The following ATP6V0E1 variants were observed in gnomAD, a reference collection of about 807,000 sequenced individuals.
ATP6V0E1 encodes the protein ATPase H+ transporting V0 subunit e1, also known as V-type proton ATPase subunit e 1.
A neutral mutation model predicts 11.6 loss-of-function variants in ATP6V0E1; 4 were observed. The observed-to-expected ratio is 0.35, with a 90% CI of 0.17 to 0.79. The LOEUF (loss-of-function observed/expected upper bound fraction) is 0.79, where lower values mean the gene tolerates loss of function less well. Among genes scored for constraint, ATP6V0E1 ranks in the 30% least tolerant of loss-of-function variants. The probability of loss-of-function intolerance (pLI) is 0.54; values close to 1 mark genes in which losing one functional copy is unlikely to be tolerated. For synonymous variants in ATP6V0E1, 36 were observed against 34.8 expected (o/e 1.04, Z -0.13); for missense variants, 105 against 100.0 (o/e 1.05, Z -0.21).
chr5:173,004,443 C>T (rs1297378146), intron 2 of ATP6V0E1, among the ~76,000 whole-genome samples: 1 of 152,008 alleles, frequency 6.6e-6, no homozygotes, highest in African/African-American at 2.4e-5. Context: ...TTCAGTTAAG[C>T]TAGAGGGAAA....
At chr5:172,997,676 G>A (rs2113586283) in intron 2 of ATP6V0E1, among the ~76,000 whole-genome samples, 1 of 152,218 alleles carries the variant, frequency 6.6e-6, no homozygotes, top group East Asian at 1.9e-4. Flanking sequence ...AGCCGAGCGT[G>A]GTGGTGGGTG....
intron 3 of ATP6V0E1, among the ~76,000 whole-genome samples, chr5:173,031,254 A>AT (rs755643482): frequency 2.3e-3 from 333 of 142,490 alleles, no homozygotes; most frequent in Admixed American, 4.7e-3. Context: ...TAATTTTTGT[A>AT]TTTTTTTTTT....
intron 2 of ATP6V0E1, among the ~76,000 whole-genome samples, chr5:173,000,159 T>C (rs923067275): frequency 1.3e-5 from 2 of 152,184 alleles, no homozygotes; most frequent in African/African-American, 2.4e-5. Flanking sequence ...CAGTTTTTTC[T>C]GGTGCCAGTT....
chr5:172,992,965 T>A (rs145923480), intron 1 of ATP6V0E1, among the ~76,000 whole-genome samples: 1 of 151,588 alleles, frequency 6.6e-6, no homozygotes, highest in Admixed American at 6.6e-5. Flanking sequence ...GCCCAGCTAA[T>A]TTTTTTGTAT....
chr5:173,020,623 C>T, intron 3 of ATP6V0E1: 3 of 537,344 alleles, frequency 5.6e-6, no homozygotes, highest in South Asian at 3.0e-5. Flanking sequence ...AGCTTGCATG[C>T]ACTCTTTCAG....
chr5:172,992,955 G>A (rs1459734538), intron 1 of ATP6V0E1, among the ~76,000 whole-genome samples: 2 of 151,884 alleles, frequency 1.3e-5, no homozygotes, highest in Non-Finnish European at 1.5e-5. Context: ...GCACCACCAC[G>A]CCCAGCTAAT....
rs552838303 is a variant in ATP6V0E1 at position 173,030,905 on chromosome 5, T to C, written c.*37-3494T>C. 4.0e-5 allele frequency among the ~76,000 whole-genome samples: 6 copies of C among 151,398 alleles called. 1 individual carries two copies. In the South Asian group the frequency reaches 1.3e-3, roughly 32 times the overall value. On this transcript the variant is annotated intron_variant, in intron 3 of 3. Coordinates refer to ENST00000519374, the MANE Select transcript of ATP6V0E1 (RefSeq NM_003945.4). ...CTGGGACTACAGGCATGCACCACCA[T>C]GCTTGGCTAATTTTTGTATTTATTT...
chr5:173,028,507 A>G (rs979622762), intron 3 of ATP6V0E1, among the ~76,000 whole-genome samples: 7 of 152,244 alleles, frequency 4.6e-5, no homozygotes, highest in African/African-American at 7.2e-5. Flanking sequence ...TAAGCCAGAC[A>G]TGGTATTCAA....
chr5:173,001,597 AC>A (rs1390556181), intron 2 of ATP6V0E1, among the ~76,000 whole-genome samples: 1 of 152,058 alleles, frequency 6.6e-6, no homozygotes, highest in African/African-American at 2.4e-5. Context: ...TTGGTTTCCA[AC>A]CAAGTAACCA....
At chr5:172,998,097 G>A (rs1692234658) in intron 2 of ATP6V0E1, among the ~76,000 whole-genome samples, 1 of 148,672 alleles carries the variant, frequency 6.7e-6, no homozygotes, top group Admixed American at 6.7e-5. Flanking sequence ...GGGTCCAAGT[G>A]ATACCCTGTC....
At chr5:172,996,455 G>T (rs950308186) in intron 2 of ATP6V0E1, among the ~76,000 whole-genome samples, 16 of 151,968 alleles carry the variant, frequency 1.1e-4, no homozygotes, top group Non-Finnish European at 1.9e-4. Context: ...CCAGCTGCTC[G>T]GGAGGCTGAG....
At chr5:173,032,962 G>A (rs1357792766) in intron 3 of ATP6V0E1, among the ~76,000 whole-genome samples, 1 of 152,198 alleles carries the variant, frequency 6.6e-6, no homozygotes, top group Non-Finnish European at 1.5e-5. Flanking sequence ...TGGGCATGAT[G>A]GCGTGGGCCT....
intron 1 of ATP6V0E1, among the ~76,000 whole-genome samples, chr5:172,991,742 A>G (rs1755980107): frequency 6.6e-6 from 1 of 152,158 alleles, no homozygotes; most frequent in East Asian, 1.9e-4. Flanking sequence ...TATAAGTGTA[A>G]TGTATAAATT....
At chr5:173,013,109 G>T (rs187780781) in intron 2 of ATP6V0E1, among the ~76,000 whole-genome samples, 352 of 152,216 alleles carry the variant, frequency 2.3e-3, no homozygotes, top group African/African-American at 8.1e-3. Context: ...AGGAGCCTGG[G>T]AGATCAAGGC....
intron 3 of ATP6V0E1, among the ~76,000 whole-genome samples, chr5:173,030,923 A>G (rs1429020801): frequency 5.2e-5 from 4 of 77,262 alleles, no homozygotes; most frequent in African/African-American, 1.9e-4. Context: ...TAATTTTTGT[A>G]TTTATTTATT....
chr5:172,986,443 A>G (rs773450925), intron 1 of ATP6V0E1, among the ~76,000 whole-genome samples: 13 of 152,138 alleles, frequency 8.5e-5, no homozygotes, highest in Non-Finnish European at 1.5e-4. Flanking sequence ...CAACACAGCG[A>G]GACCTTATCT....
intron 2 of ATP6V0E1, among the ~76,000 whole-genome samples, chr5:173,015,444 A>G (rs1756385734): frequency 6.6e-6 from 1 of 152,180 alleles, no homozygotes. Context: ...GGATCTAATC[A>G]CGAACCAAGG....
intron 2 of ATP6V0E1, among the ~76,000 whole-genome samples, chr5:173,010,009 G>A (rs1406572686): frequency 6.7e-6 from 1 of 150,098 alleles, no homozygotes; most frequent in South Asian, 2.1e-4. Context: ...TGATCTGCCT[G>A]CCTTGGCCTC....
Position 172,983,780 on chromosome 5 carries a change from G to T in ATP6V0E1, c.-81G>T. The T allele has an allele frequency of 7.2e-7, 1 of 1,382,174 alleles. No individual in the cohort carries two copies. The highest frequency in any genetic ancestry group is 1.0e-6 in the Non-Finnish European group (1 of 978,222). The allele number at this position is 1,382,174 out of a possible 1,614,324, so 85.6% of individuals were successfully genotyped here. On this transcript the variant is annotated 5_prime_UTR_variant, in exon 1 of 4. Transcript: ENST00000519374. ...GCGGGAGGCGGGGCTTGCACACGCTGGTCACGCGGTCAGCTATTGACACTT... is the reference window on the plus strand; with the variant it reads ...GCGGGAGGCGGGGCTTGCACACGCTTGTCACGCGGTCAGCTATTGACACTT...
Sources: allele counts gnomAD v4.1 joint callset (sites outside exome capture counted in the v4.1 genomes callset), GRCh38; gene constraint gnomAD v4.1.1; transcripts MANE v1.5; gene names NCBI Gene and HGNC (gene_info 2026-07-23, HGNC 2026-07-21).